Variants in RYR2 observed in about 807,000 individuals in gnomAD.
RYR2 encodes ryanodine receptor 2, also known as cardiac muscle ryanodine receptor-calcium release channel.
In RYR2, 227 loss-of-function variants were observed where a neutral mutation model predicts 601.1. The ratio of observed to expected loss-of-function variants is 0.38; its 90% CI spans 0.34 to 0.42. RYR2 has a LOEUF of 0.42. Ranked by LOEUF, RYR2 falls within the 10% of genes least tolerant of loss-of-function variation. The probability of loss-of-function intolerance (pLI) is 1.00; values close to 1 mark genes in which losing one functional copy is unlikely to be tolerated. For synonymous variants in RYR2, 2,223 were observed against 2,175.1 expected (o/e 1.02, Z -0.61); for missense variants, 4,646 against 6,156.5 (o/e 0.75, Z 8.21).
At chr1:237,047,097 C>T (rs767247810) in intron 1 of RYR2, among the ~76,000 whole-genome samples, 2 of 152,122 alleles carry the variant, frequency 1.3e-5, no homozygotes, top group Admixed American at 1.3e-4. Flanking sequence ...AATGACTTGG[C>T]CCAGTGTCAC....
In RYR2 at chr1:237,536,876, A is replaced by G. The variant is rs142154929; in HGVS notation, c.2906+6366A>G. Among the ~76,000 whole-genome samples, 1,279 of 151,928 alleles carry G rather than the reference A, an allele frequency of 8.4e-3. 23 individuals carry two copies. Among genetic ancestry groups the G allele is most frequent in the African/African-American group, 0.029 (1,197 of 41,418 alleles). ...ACTCCAGCCTGGGCGACAGAGCGAG[A>G]CTCCATCTCAAAAAAAAAAGACTTG... On this transcript the variant is annotated intron_variant, in intron 25 of 104. Transcript: ENST00000366574.
At chr1:237,770,988 G>A in intron 85 of RYR2, 101 bp downstream of exon 85, 1 of 635,404 alleles carries the variant, frequency 1.6e-6, no homozygotes, top group African/African-American at 1.8e-5. Context: ...CATCGTTCTA[G>A]AGACAACAAA....
intron 100 of RYR2, among the ~76,000 whole-genome samples, chr1:237,814,810 T>G (rs1015621838): frequency 2.6e-5 from 4 of 152,018 alleles, no homozygotes; most frequent in Non-Finnish European, 5.9e-5. Flanking sequence ...ACTTATGCAC[T>G]TTGGGAAAAA....
chr1:237,803,390 G>A (rs941767998), intron 98 of RYR2, among the ~76,000 whole-genome samples: 2 of 151,392 alleles, frequency 1.3e-5, no homozygotes, highest in African/African-American at 2.4e-5. Context: ...TGCAAGCTCC[G>A]CCTCCTGGGT....
chr1:237,402,399 GAA>G (rs201342853), intron 10 of RYR2, among the ~76,000 whole-genome samples: 2 of 141,168 alleles, frequency 1.4e-5, no homozygotes, highest in African/African-American at 2.6e-5. Flanking sequence ...AAAAAAAAAA[GAA>G]AAAAAAATAT....
At chr1:237,297,834 T>G (rs1692941126) in intron 2 of RYR2, among the ~76,000 whole-genome samples, 1 of 151,848 alleles carries the variant, frequency 6.6e-6, no homozygotes, top group Admixed American at 6.6e-5. Context: ...CACTGCAGCC[T>G]CAACTTCCCA....
intron 29 of RYR2, among the ~76,000 whole-genome samples, chr1:237,588,323 G>T (rs1202029003): frequency 2.0e-5 from 3 of 152,052 alleles, no homozygotes; most frequent in Non-Finnish European, 1.5e-5. Flanking sequence ...TATTTTGGGG[G>T]TTATATATTG....
At chr1:237,265,537 G>A (rs1397191816) in intron 1 of RYR2, among the ~76,000 whole-genome samples, 1 of 152,156 alleles carries the variant, frequency 6.6e-6, no homozygotes, top group African/African-American at 2.4e-5. Context: ...GGCCAGGCTG[G>A]TCTCGATCTC....
At chr1:237,820,426 G>A (rs923841136) in intron 101 of RYR2, among the ~76,000 whole-genome samples, 7 of 152,064 alleles carry the variant, frequency 4.6e-5, no homozygotes, top group African/African-American at 1.7e-4. Context: ...AGGGGTTGGG[G>A]GATTTCCCTC....
At chr1:237,127,573 C>G (rs748061780) in intron 1 of RYR2, among the ~76,000 whole-genome samples, 3 of 151,026 alleles carry the variant, frequency 2.0e-5, no homozygotes, top group South Asian at 2.1e-4. Flanking sequence ...TGACCCCCCC[C>G]ACCTCCCTCC....
intron 100 of RYR2, among the ~76,000 whole-genome samples, chr1:237,816,779 T>A (rs181292558): frequency 1.3e-5 from 2 of 152,164 alleles, no homozygotes; most frequent in African/African-American, 2.4e-5. Flanking sequence ...TATGCCTGAG[T>A]ATATGGTGAA....
chr1:237,469,248 TC>T, intron 17 of RYR2, 61 bp downstream of exon 17: 1 of 343,136 alleles, frequency 2.9e-6, no homozygotes, highest in Non-Finnish European at 5.2e-6. Flanking sequence ...TTGCTTCGTA[TC>T]CTTTAAGACA....
At position 237,649,963 on chromosome 1, in the gene RYR2, T is replaced by C. The variant is rs886046274; in HGVS notation, c.7599T>C (p.Pro2533=). Residue 2533 remains proline (P), a synonymous_variant, in exon 50 of 105, where the codon CCT becomes CCC. Transcript: ENST00000366574. ...TGCCATTGTTAACAAGATGTGCTCCTCTCTTTGCTGGCACAGAGCACCACG... is the reference window on the plus strand; with the variant it reads ...TGCCATTGTTAACAAGATGTGCTCCCCTCTTTGCTGGCACAGAGCACCACG... The part of the protein sequence containing the change: ...AVLPLLTRCA[P]LFAGTEHHAS... 6.8e-6 allele frequency: 11 copies of C among 1,614,000 alleles called. No homozygotes were observed. The highest frequency in any genetic ancestry group is 9.3e-6 in the Non-Finnish European group (11 of 1,179,886).
intron 1 of RYR2, among the ~76,000 whole-genome samples, chr1:237,095,082 C>T (rs1049656559): frequency 6.6e-6 from 1 of 152,192 alleles, no homozygotes; most frequent in South Asian, 2.1e-4. Context: ...TTCAGGTTAT[C>T]GTTGCAAATT....
intron 1 of RYR2, among the ~76,000 whole-genome samples, chr1:237,195,492 A>T (rs1002819734): frequency 6.6e-6 from 1 of 152,168 alleles, no homozygotes; most frequent in East Asian, 1.9e-4. Context: ...ACCTCAGGTG[A>T]TCCACCCACC....
intron 16 of RYR2, among the ~76,000 whole-genome samples, chr1:237,465,580 C>A (rs1247843194): frequency 6.6e-6 from 1 of 152,166 alleles, no homozygotes; most frequent in Admixed American, 6.5e-5. Flanking sequence ...CGTGTTATAG[C>A]CTATTGCACA....
intron 17 of RYR2, among the ~76,000 whole-genome samples, chr1:237,483,459 TTAAA>T (rs1388858345): frequency 3.3e-5 from 5 of 152,264 alleles, no homozygotes; most frequent in African/African-American, 1.2e-4. Flanking sequence ...CACAGAGATG[TTAAA>T]TAGTTTGCTA....
At chr1:237,194,526 G>A (rs1019108943) in intron 1 of RYR2, among the ~76,000 whole-genome samples, 1 of 152,142 alleles carries the variant, frequency 6.6e-6, no homozygotes, top group Admixed American at 6.5e-5. Flanking sequence ...GGAAGGGATC[G>A]GGAGGGCCCA....
chr1:237,730,860 G>T (rs1412849854), intron 77 of RYR2, among the ~76,000 whole-genome samples: 2 of 152,106 alleles, frequency 1.3e-5, no homozygotes, highest in South Asian at 2.1e-4. Flanking sequence ...TAAAGAGCTT[G>T]TGAGTTCAGC....
Sources: gnomAD v4.1 joint callset for allele counts (sites outside exome capture counted in the v4.1 genomes callset) on GRCh38, gnomAD v4.1.1 for gene constraint, MANE v1.5 for transcripts, NCBI Gene and HGNC (gene_info 2026-07-23, HGNC 2026-07-21) for gene names.